Variants in PCF11 observed in about 807,000 individuals in gnomAD.
PCF11 encodes pre-mRNA cleavage complex 2 protein Pcf11.
Under a neutral mutation model 166.1 loss-of-function variants are expected in PCF11, and 19 were observed. That is an observed-to-expected ratio of 0.11 (90% confidence interval 0.08 to 0.17). The LOEUF is 0.17. Ranked by LOEUF, PCF11 falls within the 10% of genes least tolerant of loss-of-function variation. The pLI, the probability that PCF11 is intolerant of heterozygous loss-of-function variation, is 1.00. For missense variants in PCF11, 1,565 were observed against 1,855.5 expected, an observed-to-expected ratio of 0.84 and a Z score of 2.88; for synonymous variants, 663 against 644.1, an observed-to-expected ratio of 1.03 and a Z score of -0.44.
exon 16 of PCF11, chr11:83,184,720 A>G: frequency 6.2e-7 from 1 of 1,612,944 alleles, no homozygotes; most frequent in Non-Finnish European, 8.5e-7. Context: ...GCAAGACACC[A>G]GTTGAAAACC....
intron 11 of PCF11, among the ~76,000 whole-genome samples, chr11:83,178,575 C>T (rs2135442339): frequency 6.6e-6 from 1 of 151,788 alleles, no homozygotes; most frequent in East Asian, 1.9e-4. Context: ...GCAGGTGGAT[C>T]ACGAGGTCAG....
intron 1 of PCF11, chr11:83,157,975 AG>A (rs1199482670): frequency 4.6e-6 from 1 of 215,754 alleles, no homozygotes; most frequent in Non-Finnish European, 9.4e-6. Context: ...AGTTAACATA[AG>A]CCATTTTAAT....
At chr11:83,179,403 C>G (rs1454907624) in intron 11 of PCF11, among the ~76,000 whole-genome samples, 1 of 151,970 alleles carries the variant, frequency 6.6e-6, no homozygotes, top group African/African-American at 2.4e-5. Flanking sequence ...GCACCCATCA[C>G]CACGCCCAGC....
exon 13 of PCF11, chr11:83,181,950 G>C (rs371283799): frequency 6.2e-7 from 1 of 1,613,042 alleles, no homozygotes; most frequent in Non-Finnish European, 8.5e-7. Flanking sequence ...CAAAACTCAA[G>C]AGGCTGCTAA....
rs780868591 is a variant in PCF11 at position 83,169,253 on chromosome 11, A to G, written c.2918A>G (p.His973Arg). ...GCTGGTCTGAGATTTGAGGGACAACATAATCAACTTGGTGGGAACCTTAGG... is the reference window on the plus strand; with the variant it reads ...GCTGGTCTGAGATTTGAGGGACAACGTAATCAACTTGGTGGGAACCTTAGG... The change falls in exon 8 of 16, where the codon CAT becomes CGT. Residue 973 changes from histidine (H) to arginine (R), a missense_variant. This residue lies in a region of PCF11 where 725 missense variants were observed against 749.3 expected (regional missense o/e 0.97). Transcript: ENST00000298281. 62 of 1,613,456 alleles carry G rather than the reference A, an allele frequency of 3.8e-5. No homozygotes were observed. Among genetic ancestry groups the G allele is most frequent in the Non-Finnish European group, 5.2e-5 (61 of 1,179,776 alleles).
At chr11:83,164,441 G>T in intron 4 of PCF11, 40 bp downstream of exon 4, 1 of 1,431,154 alleles carries the variant, frequency 7.0e-7, no homozygotes, top group South Asian at 1.3e-5. Flanking sequence ...TTTTAAACCT[G>T]TCTAACAATA....
At chr11:83,169,969 G>A in exon 8 of PCF11, 1 of 1,596,152 alleles carries the variant, frequency 6.3e-7, no homozygotes, top group South Asian at 1.1e-5. Context: ...TCCAATGACA[G>A]TAGGAAATAT....
chr11:83,176,549 A>G (rs1011515150), intron 9 of PCF11, among the ~76,000 whole-genome samples: 1 of 152,206 alleles, frequency 6.6e-6, no homozygotes, highest in Non-Finnish European at 1.5e-5. Flanking sequence ...ACATGGATGA[A>G]GCAGGAAACC....
At chr11:83,165,658 C>A (rs1244988643) in exon 5 of PCF11, 4 of 1,613,640 alleles carry the variant, frequency 2.5e-6, no homozygotes. Context: ...TCTGCACCAT[C>A]CAAATTACAT....
At chr11:83,176,996 CTT>C in intron 9 of PCF11, 87 bp from the exon 10 acceptor site, 5 of 953,638 alleles carry the variant, frequency 5.2e-6, no homozygotes, top group Non-Finnish European at 7.0e-6. Flanking sequence ...TTGAAGAAAA[CTT>C]TGAAAAATGC....
intron 3 of PCF11, 66 bp from the exon 4 acceptor site, chr11:83,164,141 A>G (rs1860361654): frequency 8.7e-7 from 1 of 1,143,470 alleles, no homozygotes; most frequent in Non-Finnish European, 1.2e-6. Flanking sequence ...TAAGCTGATA[A>G]TTTTTACTCC....
exon 8 of PCF11, chr11:83,169,988 C>T: frequency 6.3e-7 from 1 of 1,583,942 alleles, no homozygotes. Context: ...ATTCAGGCAT[C>T]TCAACAGGTA....
chr11:83,167,934 C>T lies in PCF11; in HGVS notation c.2092+429C>T. 8 of 1,262,648 alleles carry T rather than the reference C, an allele frequency of 6.3e-6. No homozygotes were observed. Among genetic ancestry groups the T allele is most frequent in the Non-Finnish European group, 8.2e-6 (8 of 976,388 alleles). 78.2% of individuals were successfully genotyped at this position (1,262,648 alleles called of 1,614,324 possible). A position where few individuals can be genotyped will look rare whatever the true frequency, so the allele number is the denominator to read the frequency against. On this transcript the variant is annotated intron_variant, in intron 7 of 15. Coordinates refer to ENST00000298281, the Ensembl canonical transcript of PCF11. The surrounding 1 kb of genome is among the most constrained non-coding windows in gnomAD (Gnocchi z 4.2). ...TTAAATCAGATTATGCCTATTGAAT[C>T]ACACAGCAGTGAAGGGAAAATGAAC...
chr11:83,177,083 A>T lies in PCF11; in HGVS notation c.3758-2A>T, dbSNP rs751341338. 2 of 1,468,836 alleles carry T rather than the reference A, an allele frequency of 1.4e-6. No homozygotes were observed. Among genetic ancestry groups the T allele is most frequent in the Admixed American group, 5.7e-5 (2 of 35,158 alleles). 91.0% of individuals were successfully genotyped at this position (1,468,836 alleles called of 1,614,324 possible). A position where few individuals can be genotyped will look rare whatever the true frequency, so the allele number is the denominator to read the frequency against. On this transcript the variant is annotated splice_acceptor_variant, in intron 9 of 15. Transcript: ENST00000298281. LOFTEE classifies it high-confidence loss of function. ...TTTTTCTTTCTTTCTTTTTTTTGTT[A>T]GGAGCCCTCCCTAAGGCATATCCTG...
chr11:83,157,517 C>G, exon 1 of PCF11: 2 of 1,613,860 alleles, frequency 1.2e-6, no homozygotes, highest in Non-Finnish European at 1.7e-6. Flanking sequence ...AGTCATCGCT[C>G]GAAGACCTGA....
rs751674656 is a variant in PCF11, at chr11:83,167,340, C to G, written c.2001+32C>G. The G allele has an allele frequency of 1.3e-6, 2 of 1,559,412 alleles. No homozygotes were observed. Among genetic ancestry groups the G allele is most frequent in the East Asian group, 2.3e-5 (1 of 44,158 alleles). The stretch of plus-strand genomic sequence containing the variant: ...ACTATGATTAATCCCATGTAGTCAT[C>G]ATTATCTATCGTCTATTTTTTTGGT... On this transcript the variant is annotated intron_variant, in intron 6 of 15. Coordinates refer to ENST00000298281, the Ensembl canonical transcript of PCF11. The surrounding 1 kb of genome is among the most constrained non-coding windows in gnomAD (Gnocchi z 4.2).
chr11:83,170,342 C>T (rs12276007), intron 8 of PCF11, among the ~76,000 whole-genome samples: 34,081 of 151,970 alleles, frequency 0.22, 7,719 homozygotes, highest in African/African-American at 0.58. Context: ...TGAGCCCTGA[C>T]GTGCTTTAAG....
At chr11:83,164,148 C>A in intron 3 of PCF11, 59 bp from the exon 4 acceptor site, 1 of 1,189,132 alleles carries the variant, frequency 8.4e-7, no homozygotes, top group Non-Finnish European at 1.2e-6. Context: ...ATAATTTTTA[C>A]TCCCTAGCTT....
chr11:83,174,013 G>C (rs1860790353), intron 9 of PCF11, among the ~76,000 whole-genome samples: 1 of 152,130 alleles, frequency 6.6e-6, no homozygotes, highest in South Asian at 2.1e-4. Flanking sequence ...ACAGGTATGA[G>C]CCACTGTGCC....
Sources: allele counts gnomAD v4.1 joint callset (sites outside exome capture counted in the v4.1 genomes callset), GRCh38; gene constraint gnomAD v4.1.1; regional missense constraint gnomAD v4.1.1; non-coding constraint Gnocchi (gnomAD v3.1); transcripts MANE v1.5; gene names NCBI Gene and HGNC (gene_info 2026-07-23, HGNC 2026-07-21).